COL18A1: variants seen among roughly 807,000 people sequenced by gnomAD.
COL18A1 encodes collagen type XVIII alpha 1 chain.
COL18A1 carries 133 observed loss-of-function variants against 168.0 expected under a neutral mutation model. The observed-to-expected ratio is 0.79, with a 90% CI of 0.69 to 0.91. The LOEUF (loss-of-function observed/expected upper bound fraction) is 0.91, where lower values mean the gene tolerates loss of function less well. Ranked by LOEUF, COL18A1 falls within the 40% of genes least tolerant of loss-of-function variation. The probability of loss-of-function intolerance (pLI) is 0.00; values close to 1 mark genes in which losing one functional copy is unlikely to be tolerated. For missense variants in COL18A1, 2,126 were observed against 1,925.4 expected (o/e 1.10, Z -1.95); for synonymous variants, 949 against 809.0 (o/e 1.17, Z -2.94).
intron 38 of COL18A1, among the ~76,000 whole-genome samples, chr21:45,507,990 T>C (rs773709835): frequency 6.6e-6 from 1 of 151,984 alleles, no homozygotes; most frequent in Non-Finnish European, 1.5e-5. Flanking sequence ...GGTGAATCAA[T>C]GGGGAGGTGG....
rs1351663442 is a variant in COL18A1, at chr21:45,476,533, G to C, written c.928+53G>C. On this transcript the variant is annotated intron_variant, in intron 6 of 41. Transcript: ENST00000651438. ...GTGTGGTGTGGGGTGTGTGTGGTGT[G>C]TAACGTGTGTTTGTGTGATGGTGAG... 4 of 1,550,896 alleles carry C rather than the reference G, an allele frequency of 2.6e-6. No individual in the cohort carries two copies. In the South Asian group the frequency reaches 4.7e-5, roughly 18 times the overall value.
At chr21:45,506,545 C>G (rs1353037254) in intron 37 of COL18A1, 1 of 200,202 alleles carries the variant, frequency 5.0e-6, no homozygotes, top group Admixed American at 5.3e-5. Context: ...AGTGGCCGCT[C>G]TGATCCAGGT....
At position 45,425,712 on chromosome 21, in the gene COL18A1, G is replaced by A. The variant is rs143102494; in HGVS notation, c.106+20239G>A. Among the ~76,000 whole-genome samples the A allele has an allele frequency of 1.3e-5, 2 of 152,236 alleles. No individual in the cohort carries two copies. Among genetic ancestry groups the A allele is most frequent in the African/African-American group, 4.8e-5 (2 of 41,546 alleles). On this transcript the variant is annotated intron_variant, in intron 2 of 41. Transcript: ENST00000651438. This position sits in a 1 kb window ranked among gnomAD's most constrained non-coding sequence, Gnocchi z 4.1. Reference sequence around the variant, plus strand: ...GTCTCTGGACTTGGGCAGCAGAAAGGAAACATCCCTGGGGGCCTGTGGTGA... The same window carrying A: ...GTCTCTGGACTTGGGCAGCAGAAAGAAAACATCCCTGGGGGCCTGTGGTGA...
At chr21:45,467,909 G>A (rs1349688748) in intron 2 of COL18A1, among the ~76,000 whole-genome samples, 1 of 152,208 alleles carries the variant, frequency 6.6e-6, no homozygotes, top group Non-Finnish European at 1.5e-5. Flanking sequence ...GGAAGCCTGT[G>A]GACACCATGT....
chr21:45,454,209 A>G (rs1448468862), intron 2 of COL18A1, among the ~76,000 whole-genome samples: 2 of 152,148 alleles, frequency 1.3e-5, no homozygotes, highest in African/African-American at 4.8e-5. Context: ...GGTGGCACTC[A>G]GCTGCTTGAA....
chr21:45,422,421 C>A (rs760747330), intron 2 of COL18A1: 2 of 524,094 alleles, frequency 3.8e-6, no homozygotes, highest in South Asian at 2.8e-5. Flanking sequence ...CCTCTTCCTG[C>A]AGCTTTTGAA....
chr21:45,487,041 G>T, intron 16 of COL18A1, 49 bp downstream of exon 16: 4 of 1,467,916 alleles, frequency 2.7e-6, no homozygotes, highest in Non-Finnish European at 9.0e-7. Context: ...GGCTGCCGTT[G>T]CCCCAGCCCT....
At chr21:45,412,339 C>T (rs1053607709) in intron 2 of COL18A1, among the ~76,000 whole-genome samples, 23 of 150,170 alleles carry the variant, frequency 1.5e-4, no homozygotes, top group African/African-American at 4.7e-4. Flanking sequence ...CGGGCTCAAG[C>T]GATTCTCCTG....
At chr21:45,487,257 G>A (rs149704646) in intron 16 of COL18A1, among the ~76,000 whole-genome samples, 190 bp from the exon 17 acceptor site, 111 of 152,302 alleles carry the variant, frequency 7.3e-4, no homozygotes, top group African/African-American at 2.4e-3. Context: ...GACCCGAGAC[G>A]GGCTGCCCCG....
rs1356567287 is a variant in COL18A1, at chr21:45,468,443, A to G, written c.308A>G (p.Glu103Gly). 1.9e-6 allele frequency: 3 copies of G among 1,614,078 alleles called. No individual in the cohort carries two copies. The change falls in exon 3 of 42, where the codon GAG (glutamate) becomes GGG (glycine). Residue 103 changes from glutamate (E) to glycine (G), a missense_variant. Glu to Gly is a moderately conservative substitution (Grantham distance 98). Transcript: ENST00000651438. ...SLLFHIRPAT[E>G]GPGVLFAITD... is the part of the protein sequence containing the mutation. ...CTGTTCCACATCCGGCCAGCCACAG[A>G]GGGCCCAGGGGTGCTGTTCGCCATC...
chr21:45,494,247 C>CT, intron 26 of COL18A1: 2 of 483,784 alleles, frequency 4.1e-6, no homozygotes, highest in Non-Finnish European at 3.8e-6. Context: ...GGCACATGCC[C>CT]TCCACCCTCC....
rs1468787863 is a variant in COL18A1, at chr21:45,463,694, T to C, written c.107-4548T>C. The stretch of plus-strand genomic sequence containing the variant: ...ATGCGGATCGCCTGAGGTCGGGAGT[T>C]GGAGACCAGCCTGACCAACACGGAG... On this transcript the variant is annotated intron_variant, in intron 2 of 41. Transcript: ENST00000651438. The surrounding 1 kb of genome is among the most constrained non-coding windows in gnomAD (Gnocchi z 4.0). Among the ~76,000 whole-genome samples the C allele has an allele frequency of 1.3e-5, 2 of 152,118 alleles. No individual in the cohort carries two copies. The highest frequency in any genetic ancestry group is 2.9e-5 in the Non-Finnish European group (2 of 68,030).
intron 4 of COL18A1, among the ~76,000 whole-genome samples, chr21:45,475,194 C>A (rs1468958344): frequency 6.6e-6 from 1 of 152,236 alleles, no homozygotes; most frequent in Non-Finnish European, 1.5e-5. Context: ...AGCGCGTTCC[C>A]CCTCCCGCCT....
At chr21:45,502,883 G>C (rs1439305551) in intron 32 of COL18A1, 1 of 152,210 alleles carries the variant, frequency 6.6e-6, no homozygotes, top group Non-Finnish European at 1.5e-5. Context: ...CCCACAAGTG[G>C]ATCTGCAGGT....
intron 2 of COL18A1, among the ~76,000 whole-genome samples, chr21:45,445,223 C>G (rs1461946297): frequency 6.6e-6 from 1 of 152,216 alleles, no homozygotes; most frequent in Non-Finnish European, 1.5e-5. Flanking sequence ...GTGGTCGTTT[C>G]TGTCTGGCTT....
At chr21:45,483,663 T>A (rs2035974948) in intron 15 of COL18A1, among the ~76,000 whole-genome samples, 1 of 145,752 alleles carries the variant, frequency 6.9e-6, no homozygotes, top group Non-Finnish European at 1.5e-5. Context: ...GTCCAAAACG[T>A]CAGGAGCTCC....
chr21:45,426,727 C>A (rs546136238), intron 2 of COL18A1, among the ~76,000 whole-genome samples: 1 of 152,248 alleles, frequency 6.6e-6, no homozygotes, highest in African/African-American at 2.4e-5. Context: ...TTGCCCACTT[C>A]GTCCAGCAGG....
At chr21:45,483,265 G>A (rs895550135) in intron 15 of COL18A1, among the ~76,000 whole-genome samples, 7 of 152,046 alleles carry the variant, frequency 4.6e-5, no homozygotes, top group South Asian at 2.1e-4. Context: ...CCATCCACCC[G>A]TCCCGCAGGC....
At chr21:45,485,149 ATT>A (rs751718038) in intron 15 of COL18A1, among the ~76,000 whole-genome samples, 4,178 of 54,686 alleles carry the variant, frequency 0.076, 70 homozygotes, top group African/African-American at 0.089. Flanking sequence ...CACCTGGCTA[ATT>A]TTTTTTTTTT....
Sources: allele counts gnomAD v4.1 joint callset (sites outside exome capture counted in the v4.1 genomes callset), GRCh38; gene constraint gnomAD v4.1.1; non-coding constraint Gnocchi (gnomAD v3.1); transcripts MANE v1.5; gene names NCBI Gene and HGNC (gene_info 2026-07-23, HGNC 2026-07-21).